TTYH3: variants seen among roughly 807,000 people sequenced by gnomAD.
TTYH3 encodes protein tweety homolog 3.
Under a neutral mutation model 68.2 loss-of-function variants are expected in TTYH3, and 23 were observed. The ratio of observed to expected loss-of-function variants is 0.34; its 90% CI spans 0.24 to 0.48. TTYH3 has a LOEUF of 0.48. Among genes scored for constraint, TTYH3 ranks in the 20% least tolerant of loss-of-function variants. The probability of loss-of-function intolerance (pLI) is 0.99; values close to 1 mark genes in which losing one functional copy is unlikely to be tolerated. For missense variants in TTYH3, 768 were observed against 727.7 expected (o/e 1.06, Z -0.64); for synonymous variants, 360 against 332.8 (o/e 1.08, Z -0.89).
intron 5 of TTYH3, among the ~76,000 whole-genome samples, chr7:2,649,038 C>T (rs1354885380): frequency 1.3e-5 from 2 of 148,606 alleles, no homozygotes; most frequent in Non-Finnish European, 3.0e-5. Context: ...GTGGTGGGGG[C>T]ACCTGCAGTG....
Position 2,647,628 on chromosome 7 carries a change from G to T in TTYH3, c.616G>T (p.Asp206Tyr). 1.3e-6 allele frequency: 2 copies of T among 1,569,156 alleles called. No individual in the cohort carries two copies. Among genetic ancestry groups the T allele is most frequent in the South Asian group, 2.3e-5 (2 of 85,272 alleles). The part of the protein sequence containing the change: ...EVLAEQVDLY[D>Y]WYRWLGYLGL... Reference sequence around the variant, plus strand: ...GCTGGCGGAGCAGGTGGATCTCTACGACTGGTACAGGTGCGGCCAGGCCCT... The same window carrying T: ...GCTGGCGGAGCAGGTGGATCTCTACTACTGGTACAGGTGCGGCCAGGCCCT... Residue 206 changes from aspartate to tyrosine, a missense_variant, in exon 4 of 14, where the codon GAC becomes TAC. By Grantham distance (160) the Asp-to-Tyr change is radical. Transcript: ENST00000258796.
In TTYH3 at chr7:2,647,186, A is replaced by G; in HGVS notation, c.338A>G (p.Asp113Gly). ...TTCTACGGCAACGGGGAGACCAGTG[A>G]TGGCATCCATAGGGCCACCTACTCG... ...VGFYGNGETS[D>G]GIHRATYSLR... The change falls in exon 3 of 14, where the codon GAT (aspartate) becomes GGT (glycine). Residue 113 changes from aspartate (D) to glycine (G), a missense_variant. Transcript: ENST00000258796. 5.0e-6 allele frequency: 8 copies of G among 1,606,988 alleles called. No individual in the cohort carries two copies. The highest frequency in any genetic ancestry group is 1.1e-5 in the South Asian group (1 of 90,124).
chr7:2,649,667 G>A (rs1006501784), intron 6 of TTYH3, 28 bp downstream of exon 6: 156 of 1,583,232 alleles, frequency 9.9e-5, no homozygotes, highest in Non-Finnish European at 1.2e-4. Flanking sequence ...TGAGGTCCCC[G>A]GCTGCTGGAC....
At chr7:2,643,435 A>C (rs544335932) in intron 1 of TTYH3, among the ~76,000 whole-genome samples, 1 of 151,452 alleles carries the variant, frequency 6.6e-6, no homozygotes, top group East Asian at 1.9e-4. Context: ...AGCGTCTCTC[A>C]CCATCCAGCA....
At chr7:2,637,268 G>A (rs1355363935) in intron 1 of TTYH3, among the ~76,000 whole-genome samples, 2 of 152,144 alleles carry the variant, frequency 1.3e-5, no homozygotes, top group African/African-American at 4.8e-5. Flanking sequence ...CCCCGGCCGG[G>A]GGCTCTTGGT....
intron 11 of TTYH3, among the ~76,000 whole-genome samples, chr7:2,656,905 G>A (rs1786351500): frequency 6.6e-6 from 1 of 152,234 alleles, no homozygotes; most frequent in African/African-American, 2.4e-5. Flanking sequence ...CCCACCATGG[G>A]GTGCAGGTGC....
At position 2,658,372 on chromosome 7, in the gene TTYH3, T is replaced by C; in HGVS notation, c.1337T>C (p.Leu446Pro). 6.2e-7 allele frequency: 1 copy of C among 1,611,926 alleles called. No individual in the cohort carries two copies. Among genetic ancestry groups the C allele is most frequent in the Non-Finnish European group, 8.5e-7 (1 of 1,179,632 alleles). Residue 446 changes from leucine (L) to proline (P), a missense_variant, in exon 12 of 14, where the codon CTG (leucine) becomes CCG (proline). Transcript: ENST00000258796. ...DSLYRVHMPS[L>P]YSCGSSYGSE... Reference sequence around the variant, plus strand: ...CTCTACCGCGTCCACATGCCCAGCCTGTACAGCTGTGGCAGCAGCTACGGC... The same window carrying C: ...CTCTACCGCGTCCACATGCCCAGCCCGTACAGCTGTGGCAGCAGCTACGGC...
rs138584883 is a variant in TTYH3, at chr7:2,645,604, G to A, written c.124-1249G>A. Reference sequence around the variant, plus strand: ...TGGAGCCAGACAGGGCTGTGTGTCCGATGGGGCGCCTGTATGCAGCCTGTA... The same window carrying A: ...TGGAGCCAGACAGGGCTGTGTGTCCAATGGGGCGCCTGTATGCAGCCTGTA... On this transcript the variant is annotated intron_variant, in intron 1 of 13. Coordinates refer to ENST00000258796, the MANE Select transcript of TTYH3 (RefSeq NM_025250.3). The surrounding 1 kb of genome is among the most constrained non-coding windows in gnomAD (Gnocchi z 4.8). 511 of 357,156 alleles carry A rather than the reference G, an allele frequency of 1.4e-3. 2 individuals are homozygous for A. Among genetic ancestry groups the A allele is most frequent in the African/African-American group, 0.01 (484 of 46,692 alleles). The allele number at this position is 357,156 out of a possible 1,614,324, so 22.1% of individuals were successfully genotyped here.
chr7:2,640,403 T>TC (rs553148609), intron 1 of TTYH3, among the ~76,000 whole-genome samples: 1 of 151,326 alleles, frequency 6.6e-6, no homozygotes, highest in African/African-American at 2.4e-5. Flanking sequence ...TGTGTGTGTG[T>TC]GGGGGGGGAC....
chr7:2,647,385 G>C, intron 3 of TTYH3, 33 bp from the exon 4 acceptor site: 1 of 1,461,780 alleles, frequency 6.8e-7, no homozygotes, highest in Non-Finnish European at 9.0e-7. Context: ...AGGCGGGCGC[G>C]CTCCCAGCCT....
intron 4 of TTYH3, 31 bp downstream of exon 4, chr7:2,647,669 C>G: frequency 6.5e-7 from 1 of 1,534,870 alleles, no homozygotes; most frequent in Non-Finnish European, 8.8e-7. Flanking sequence ...CTGCCCGCCC[C>G]ACGTGGGAAA....
intron 1 of TTYH3, among the ~76,000 whole-genome samples, chr7:2,633,044 G>T (rs895221097): frequency 6.6e-6 from 1 of 152,054 alleles, no homozygotes; most frequent in African/African-American, 2.4e-5. Flanking sequence ...GCCCTTTGCA[G>T]CCCTCTCCCA....
rs757241532 is a variant in TTYH3, at chr7:2,647,140, A to G, written c.294-2A>G. On this transcript the variant is annotated splice_acceptor_variant, in intron 2 of 13. Transcript: ENST00000258796. LOFTEE classifies it high-confidence loss of function. Reference sequence around the variant, plus strand: ...TACATCTCACGGGCCCGCCCTCTCCAGCGCCGGCATCGCAGTGGGATTCTA... The same window carrying G: ...TACATCTCACGGGCCCGCCCTCTCCGGCGCCGGCATCGCAGTGGGATTCTA... 2 of 1,599,130 alleles carry G rather than the reference A, an allele frequency of 1.3e-6. No individual in the cohort carries two copies. Among genetic ancestry groups the G allele is most frequent in the Admixed American group, 1.7e-5 (1 of 58,284 alleles).
intron 9 of TTYH3, among the ~76,000 whole-genome samples, 168 bp from the exon 10 acceptor site, chr7:2,655,924 C>G (rs1786319998): frequency 6.6e-6 from 1 of 152,148 alleles, no homozygotes; most frequent in Admixed American, 6.5e-5. Flanking sequence ...TTTCTCAAGG[C>G]CCAGAGTCCT....
chr7:2,638,613 C>G (rs965774552), intron 1 of TTYH3, among the ~76,000 whole-genome samples: 15 of 152,162 alleles, frequency 9.9e-5, no homozygotes, highest in Non-Finnish European at 2.1e-4. Flanking sequence ...AAAGTTGGCC[C>G]CGACCCCGGC....
At chr7:2,649,763 C>G in intron 6 of TTYH3, 124 bp downstream of exon 6, 1 of 1,438,934 alleles carries the variant, frequency 6.9e-7, no homozygotes, top group Non-Finnish European at 9.6e-7. Flanking sequence ...GCGGTGGGGA[C>G]CCACCATGGG....
In TTYH3 at chr7:2,657,143, G is replaced by A. The variant is rs367878536; in HGVS notation, c.1250+609G>A. On this transcript the variant is annotated intron_variant, in intron 11 of 13. Transcript: ENST00000258796. ...GGGTGACAGGCTCCTTCCCTTGCCA[G>A]AGCTCCTATGGCTTATCTTTGAGAC... is the stretch of plus-strand genomic sequence containing the variant. 3.9e-5 allele frequency among the ~76,000 whole-genome samples: 6 copies of A among 152,330 alleles called. No individual in the cohort carries two copies. In the East Asian group the frequency reaches 5.8e-4, roughly 15 times the overall value.
At chr7:2,641,176 G>C (rs1242818633) in intron 1 of TTYH3, among the ~76,000 whole-genome samples, 1 of 152,232 alleles carries the variant, frequency 6.6e-6, no homozygotes, top group African/African-American at 2.4e-5. Context: ...GTCTTGCTCT[G>C]GCCCAGGGTA....
intron 9 of TTYH3, among the ~76,000 whole-genome samples, chr7:2,654,863 C>T (rs1786290353): frequency 6.6e-6 from 1 of 152,204 alleles, no homozygotes; most frequent in African/African-American, 2.4e-5. Context: ...CGGCTCACCG[C>T]AACCTCTGCC....
Sources: gnomAD v4.1 joint callset for allele counts (sites outside exome capture counted in the v4.1 genomes callset) on GRCh38, gnomAD v4.1.1 for gene constraint, Gnocchi (gnomAD v3.1) non-coding constraint, MANE v1.5 for transcripts, NCBI Gene and HGNC (gene_info 2026-07-23, HGNC 2026-07-21) for gene names.